Variants in NCOA1 observed in about 807,000 individuals in gnomAD.
NCOA1 encodes Hin-2 protein.
Under a neutral mutation model 150.9 loss-of-function variants are expected in NCOA1, and 35 were observed. The ratio of observed to expected loss-of-function variants is 0.23; its 90% CI spans 0.18 to 0.31. The LOEUF is 0.31. NCOA1 is among the 10% of genes least tolerant of loss of function. The probability of loss-of-function intolerance (pLI) is 1.00; values close to 1 mark genes in which losing one functional copy is unlikely to be tolerated. For synonymous variants in NCOA1, 590 were observed against 630.0 expected, an observed-to-expected ratio of 0.94 and a Z score of 0.95; for missense variants, 1,491 against 1,749.3, an observed-to-expected ratio of 0.85 and a Z score of 2.63.
intron 19 of NCOA1, among the ~76,000 whole-genome samples, chr2:24,745,980 A>G (rs572361995): frequency 6.6e-6 from 1 of 152,124 alleles, no homozygotes; most frequent in African/African-American, 2.4e-5. Context: ...CTTCCTGGAC[A>G]CTCCCAATCA....
intron 9 of NCOA1, among the ~76,000 whole-genome samples, chr2:24,692,119 C>T (rs1011654508): frequency 6.6e-6 from 1 of 152,122 alleles, no homozygotes; most frequent in Non-Finnish European, 1.5e-5. Context: ...TGGAAACATG[C>T]TGAAGCTCTA....
intron 10 of NCOA1, among the ~76,000 whole-genome samples, chr2:24,696,964 C>T (rs758791850): frequency 1.5e-4 from 23 of 152,000 alleles, no homozygotes; most frequent in Non-Finnish European, 2.9e-4. Flanking sequence ...TTAATATTCA[C>T]AAACTGGATT....
intron 3 of NCOA1, among the ~76,000 whole-genome samples, chr2:24,593,549 A>G (rs532260321): frequency 7.4e-4 from 113 of 152,246 alleles, no homozygotes; most frequent in African/African-American, 2.7e-3. Flanking sequence ...ACCTATGTCC[A>G]TACTCTCACA....
At chr2:24,669,547 G>C (rs1671592146) in intron 6 of NCOA1, among the ~76,000 whole-genome samples, 1 of 152,068 alleles carries the variant, frequency 6.6e-6, no homozygotes, top group Admixed American at 6.6e-5. Flanking sequence ...TAATCTACTT[G>C]AACTTGATAG....
intron 4 of NCOA1, among the ~76,000 whole-genome samples, chr2:24,648,274 T>C (rs1202348391): frequency 2.3e-5 from 3 of 131,368 alleles, no homozygotes; most frequent in Non-Finnish European, 5.1e-5. Flanking sequence ...TTGGCTCATA[T>C]TGTGATTTTT....
chr2:24,703,718 A>G (rs954891985), intron 11 of NCOA1, among the ~76,000 whole-genome samples: 9 of 152,152 alleles, frequency 5.9e-5, no homozygotes, highest in African/African-American at 2.2e-4. Flanking sequence ...TTCAGTTGGT[A>G]CTGTATACAC....
chr2:24,583,084 A>G (rs945915356), intron 2 of NCOA1, among the ~76,000 whole-genome samples: 1 of 152,226 alleles, frequency 6.6e-6, no homozygotes, highest in African/African-American at 2.4e-5. Context: ...TATCAAGCTA[A>G]AAAACCTCAC....
intron 19 of NCOA1, 76 bp from the exon 20 acceptor site, chr2:24,751,906 C>G: frequency 7.7e-7 from 1 of 1,299,756 alleles, no homozygotes; most frequent in Non-Finnish European, 1.1e-6. Context: ...TGTGACAGAT[C>G]CTTTTGGGTT....
chr2:24,591,170 A>G (rs75311685), intron 3 of NCOA1, among the ~76,000 whole-genome samples: 6,361 of 152,294 alleles, frequency 0.042, 201 homozygotes, highest in African/African-American at 0.09. Context: ...TATATAATCT[A>G]CTATCCCATT....
chr2:24,579,401 T>A (rs1558809243), intron 2 of NCOA1, among the ~76,000 whole-genome samples: 1 of 152,132 alleles, frequency 6.6e-6, no homozygotes, highest in Non-Finnish European at 1.5e-5. Flanking sequence ...GTATGAGAAG[T>A]CGTTGATGCT....
At chr2:24,692,396 T>C (rs1433443940) in intron 9 of NCOA1, among the ~76,000 whole-genome samples, 10 of 152,198 alleles carry the variant, frequency 6.6e-5, no homozygotes, top group Admixed American at 5.9e-4. Flanking sequence ...TTTTTAGCTG[T>C]GTGATATTGT....
chr2:24,629,340 A>G (rs1327413514), intron 3 of NCOA1, among the ~76,000 whole-genome samples: 1 of 152,154 alleles, frequency 6.6e-6, no homozygotes, highest in East Asian at 1.9e-4. Flanking sequence ...TGAATATTTT[A>G]GATTTAGTAG....
intron 8 of NCOA1, among the ~76,000 whole-genome samples, chr2:24,684,026 A>G (rs1672292007): frequency 6.6e-6 from 1 of 152,232 alleles, no homozygotes; most frequent in African/African-American, 2.4e-5. Flanking sequence ...ACTGTGTGAT[A>G]AAGTATCTGA....
rs184788443 is a variant in NCOA1, at chr2:24,718,119, A to G, written c.2599+7008A>G. 4.6e-3 allele frequency among the ~76,000 whole-genome samples: 693 copies of G among 152,164 alleles called. 2 individuals are homozygous for G. The highest frequency in any genetic ancestry group is 0.02 in the Middle Eastern group (6 of 294). On this transcript the variant is annotated intron_variant, in intron 14 of 22. Coordinates refer to ENST00000348332, the MANE Select transcript of NCOA1 (RefSeq NM_003743.5). Reference sequence around the variant, plus strand: ...TTCTCCATTTTGGCCAGGCTGGTCTAGAACTTCTGGCCTCAAGTGATCCAC... The same window carrying G: ...TTCTCCATTTTGGCCAGGCTGGTCTGGAACTTCTGGCCTCAAGTGATCCAC...
Position 24,558,472 on chromosome 2 carries a change from A to G in NCOA1, c.-395-5823A>G, listed in dbSNP as rs531930266. Among the ~76,000 whole-genome samples the G allele has an allele frequency of 4.6e-4, 70 of 152,298 alleles. 1 individual carries two copies. Among genetic ancestry groups the G allele is most frequent in the African/African-American group, 1.6e-3 (67 of 41,570 alleles). ...TGGCAAGAGAAAATAAGGAAGAAGC[A>G]AAAGTGGAAACCCCTGATAAAACCC... On this transcript the variant is annotated intron_variant, in intron 1 of 22. Coordinates refer to ENST00000348332, the MANE Select transcript of NCOA1 (RefSeq NM_003743.5).
chr2:24,705,734 C>T (rs1019840264), intron 12 of NCOA1, among the ~76,000 whole-genome samples: 1 of 152,106 alleles, frequency 6.6e-6, no homozygotes, highest in African/African-American at 2.4e-5. Context: ...ATGGTAAATT[C>T]ATGAAACTAT....
chr2:24,768,971 CT>C lies in NCOA1; in HGVS notation c.*587del. On this transcript the variant is annotated 3_prime_UTR_variant, in exon 23 of 23. Coordinates refer to ENST00000348332, the MANE Select transcript of NCOA1 (RefSeq NM_003743.5). ...TGCCTCCACATATGTACCCCTTCTC[CT>C]TTTTTTAAAGATGGATTTAAACCAA... 4.7e-6 allele frequency: 1 copy of C among 213,292 alleles called. No homozygotes were observed. The highest frequency in any genetic ancestry group is 9.5e-6 in the Non-Finnish European group (1 of 105,260). 13.2% of individuals were successfully genotyped at this position (213,292 alleles called of 1,614,324 possible). A position where few individuals can be genotyped will look rare whatever the true frequency, so the allele number is the denominator to read the frequency against.
intron 3 of NCOA1, among the ~76,000 whole-genome samples, chr2:24,604,814 A>C (rs1000927039): frequency 6.6e-6 from 1 of 152,100 alleles, no homozygotes; most frequent in Non-Finnish European, 1.5e-5. Flanking sequence ...TTTCTTTTGC[A>C]CTCACAACTT....
intron 3 of NCOA1, among the ~76,000 whole-genome samples, chr2:24,625,560 T>C (rs956122285): frequency 7.9e-5 from 12 of 152,192 alleles, no homozygotes; most frequent in African/African-American, 2.9e-4. Flanking sequence ...GGGTTTACTT[T>C]GCTCTTTTCT....
Sources: gnomAD v4.1 joint callset for allele counts (sites outside exome capture counted in the v4.1 genomes callset) on GRCh38, gnomAD v4.1.1 for gene constraint, MANE v1.5 for transcripts, NCBI Gene and HGNC (gene_info 2026-07-23, HGNC 2026-07-21) for gene names.